RBFOX1: variants seen among roughly 807,000 people sequenced by gnomAD.
RBFOX1 encodes RNA binding protein fox-1 homolog 1.
A neutral mutation model predicts 57.7 loss-of-function variants in RBFOX1; 8 were observed. That is an observed-to-expected ratio of 0.14 (90% confidence interval 0.08 to 0.25). The LOEUF is 0.25. RBFOX1 is among the 10% of genes least tolerant of loss of function. RBFOX1 has a pLI of 1.00. For missense variants in RBFOX1, 611 were observed against 548.5 expected (o/e 1.11, Z -1.14); for synonymous variants, 326 against 222.4 (o/e 1.47, Z -4.15).
chr16:7,125,197 A>G (rs1200385723), intron 4 of RBFOX1, among the ~76,000 whole-genome samples: 1 of 152,190 alleles, frequency 6.6e-6, no homozygotes, highest in African/African-American at 2.4e-5. Flanking sequence ...GACGGGCCAC[A>G]CTGTCTTGAG....
intron 4 of RBFOX1, among the ~76,000 whole-genome samples, chr16:7,210,114 C>G (rs1311589646): frequency 2.0e-5 from 3 of 152,174 alleles, no homozygotes; most frequent in African/African-American, 7.2e-5. Flanking sequence ...GCTTGTCAAC[C>G]TGCCCTGCAA....
intron 3 of RBFOX1, among the ~76,000 whole-genome samples, chr16:6,851,243 G>A (rs768625918): frequency 9.2e-5 from 14 of 152,130 alleles, no homozygotes; most frequent in Admixed American, 2.6e-4. Context: ...TCTAGATATA[G>A]AGAATCAATG....
intron 2 of RBFOX1, among the ~76,000 whole-genome samples, chr16:6,398,020 C>A (rs1414653378): frequency 6.6e-6 from 1 of 152,108 alleles, no homozygotes; most frequent in Admixed American, 6.6e-5. Context: ...AAAGAGCAAA[C>A]CATAAACATA....
chr16:6,939,344 T>G (rs1597812314), intron 3 of RBFOX1, among the ~76,000 whole-genome samples: 1 of 151,996 alleles, frequency 6.6e-6, no homozygotes, highest in Non-Finnish European at 1.5e-5. Context: ...AAATAATATA[T>G]AAATTGGTCC....
rs914928539 is a variant in RBFOX1 at position 5,580,101 on chromosome 16, C to G, written c.259-18801C>G. Among the ~76,000 whole-genome samples, 156 of 152,290 alleles carry G rather than the reference C, an allele frequency of 1.0e-3. 1 individual carries two copies. Among genetic ancestry groups the G allele is most frequent in the Admixed American group, 0.01 (153 of 15,296 alleles). ...TTAATTCTTTATCTGCTCAGCATTA[C>G]CTACAACAGCTTGTAAGCCCCAAGA... is the stretch of plus-strand genomic sequence containing the variant. On this transcript the variant is annotated intron_variant, in intron 2 of 2. Coordinates refer to the RBFOX1 transcript ENST00000585867.
chr16:7,679,899 G>C (rs1268002786), intron 14 of RBFOX1, among the ~76,000 whole-genome samples: 1 of 152,076 alleles, frequency 6.6e-6, no homozygotes, highest in Non-Finnish European at 1.5e-5. Flanking sequence ...CAAATTTAAT[G>C]GGAATAGGTG....
At chr16:5,584,223 T>C (rs1023513484) in intron 2 of RBFOX1, among the ~76,000 whole-genome samples, 1 of 152,348 alleles carries the variant, frequency 6.6e-6, no homozygotes, top group Admixed American at 6.5e-5. Flanking sequence ...CTTCACTTGT[T>C]TTGCCATTCT....
intron 3 of RBFOX1, among the ~76,000 whole-genome samples, chr16:5,730,927 CTGGTGTCACCATCATCACTAT>C (rs1319697338): frequency 0.012 from 1,797 of 152,186 alleles, 21 homozygotes; most frequent in Non-Finnish European, 0.019. Flanking sequence ...GCCATTGTCA[CTGGTGTCACCATCATCACTAT>C]CAGTATCACC....
intron 3 of RBFOX1, among the ~76,000 whole-genome samples, chr16:5,716,214 A>C (rs76212327): frequency 6.6e-6 from 1 of 152,180 alleles, no homozygotes; most frequent in Admixed American, 6.5e-5. Context: ...TTGGCGTGAA[A>C]GTAATTTTTT....
intron 4 of RBFOX1, among the ~76,000 whole-genome samples, chr16:7,405,571 C>G (rs979169336): frequency 6.6e-5 from 10 of 152,190 alleles, no homozygotes; most frequent in African/African-American, 2.4e-4. Flanking sequence ...CGCCTCATGC[C>G]TCACATTTCA....
intron 3 of RBFOX1, among the ~76,000 whole-genome samples, chr16:7,006,638 A>C (rs1188464376): frequency 2.0e-5 from 3 of 152,066 alleles, no homozygotes; most frequent in East Asian, 1.9e-4. Context: ...TATAGAGACA[A>C]GGTCTCCCTG....
intron 3 of RBFOX1, among the ~76,000 whole-genome samples, chr16:5,679,125 T>C (rs2050253799): frequency 1.3e-5 from 2 of 152,206 alleles, no homozygotes; most frequent in African/African-American, 4.8e-5. Flanking sequence ...TTCAGCTAAT[T>C]GGCAAAGAGA....
chr16:6,076,561 G>A (rs1448450947), intron 1 of RBFOX1, among the ~76,000 whole-genome samples: 1 of 151,962 alleles, frequency 6.6e-6, no homozygotes, highest in African/African-American at 2.4e-5. Flanking sequence ...TCGATCTCCT[G>A]GCCTCAAGTG....
At chr16:7,202,370 C>T (rs933858800) in intron 4 of RBFOX1, among the ~76,000 whole-genome samples, 1 of 151,434 alleles carries the variant, frequency 6.6e-6, no homozygotes, top group Non-Finnish European at 1.5e-5. Flanking sequence ...CCATTACGCC[C>T]TGTGGGTAGG....
At chr16:5,553,023 G>A (rs57902618) in intron 2 of RBFOX1, among the ~76,000 whole-genome samples, 57,881 of 151,724 alleles carry the variant, frequency 0.38, 11,330 homozygotes, top group Non-Finnish European at 0.42. Flanking sequence ...TCAGCAAACT[G>A]TCACAAGGAT....
At chr16:5,729,311 G>A (rs1306783944) in intron 3 of RBFOX1, among the ~76,000 whole-genome samples, 2 of 150,708 alleles carry the variant, frequency 1.3e-5, no homozygotes, top group East Asian at 3.9e-4. Flanking sequence ...CAAGTCAGAA[G>A]TTTCTCTTGA....
intron 1 of RBFOX1, among the ~76,000 whole-genome samples, chr16:6,189,842 T>C (rs1446595257): frequency 1.3e-5 from 2 of 152,228 alleles, no homozygotes; most frequent in African/African-American, 4.8e-5. Flanking sequence ...TATATTTTGT[T>C]GTGTAGAAGC....
chr16:7,194,099 C>G (rs1022973278), intron 4 of RBFOX1, among the ~76,000 whole-genome samples: 1 of 152,130 alleles, frequency 6.6e-6, no homozygotes, highest in African/African-American at 2.4e-5. Flanking sequence ...CTTTCCATTT[C>G]TCTTTCCATT....
chr16:5,701,186 T>C (rs2051034296), intron 3 of RBFOX1, among the ~76,000 whole-genome samples: 1 of 152,228 alleles, frequency 6.6e-6, no homozygotes, highest in Non-Finnish European at 1.5e-5. Flanking sequence ...CATTGCATTA[T>C]TGGCTAATTG....
Sources: gnomAD v4.1 joint callset for allele counts (sites outside exome capture counted in the v4.1 genomes callset) on GRCh38, gnomAD v4.1.1 for gene constraint, MANE v1.5 for transcripts, NCBI Gene and HGNC (gene_info 2026-07-23, HGNC 2026-07-21) for gene names.